Variants in PTCHD4 observed in about 807,000 individuals in gnomAD.
The protein encoded by PTCHD4 is patched domain-containing protein 4.
A neutral mutation model predicts 58.1 loss-of-function variants in PTCHD4; 33 were observed. That is an observed-to-expected ratio of 0.57 (90% CI 0.43 to 0.76). PTCHD4 has a LOEUF of 0.76. Ranked by LOEUF, PTCHD4 falls within the 30% of genes least tolerant of loss-of-function variation. The probability of loss-of-function intolerance (pLI) is 0.00; values close to 1 mark genes in which losing one functional copy is unlikely to be tolerated. For synonymous variants in PTCHD4, 478 were observed against 409.6 expected (o/e 1.17, Z -2.02); for missense variants, 1,058 against 1,027.1 (o/e 1.03, Z -0.41).
chr6:47,891,811 G>A (rs1194217341), intron 4 of PTCHD4, among the ~76,000 whole-genome samples: 1 of 152,080 alleles, frequency 6.6e-6, no homozygotes, highest in Non-Finnish European at 1.5e-5. Context: ...AATGATAGTA[G>A]TATTCTTGGT....
At chr6:47,983,558 G>C (rs1767960196) in intron 4 of PTCHD4, among the ~76,000 whole-genome samples, 1 of 152,098 alleles carries the variant, frequency 6.6e-6, no homozygotes, top group Non-Finnish European at 1.5e-5. Context: ...AGATTTCCAA[G>C]TTTAGTTTTT....
At chr6:47,984,605 C>T (rs897972607) in intron 4 of PTCHD4, among the ~76,000 whole-genome samples, 1 of 152,032 alleles carries the variant, frequency 6.6e-6, no homozygotes, top group African/African-American at 2.4e-5. Context: ...AAAAATGATT[C>T]TTTTAAATAA....
intron 4 of PTCHD4, among the ~76,000 whole-genome samples, chr6:48,003,118 G>A (rs915889894): frequency 3.3e-5 from 5 of 152,018 alleles, no homozygotes; most frequent in South Asian, 4.2e-4. Context: ...GAAATGCTCC[G>A]GGGCTCAAAT....
At chr6:47,946,587 T>G (rs2113936044) in intron 4 of PTCHD4, among the ~76,000 whole-genome samples, 1 of 152,312 alleles carries the variant, frequency 6.6e-6, no homozygotes, top group East Asian at 1.9e-4. Flanking sequence ...ATGTTTAGGA[T>G]GTATATCTTA....
In PTCHD4 at chr6:47,876,791, G is replaced by A. The variant is rs1368419348; in HGVS notation, c.*1512C>T. 6.6e-6 allele frequency among the ~76,000 whole-genome samples: 1 copy of A among 152,012 alleles called. No individual in the cohort carries two copies. The highest frequency in any genetic ancestry group is 1.5e-5 in the Non-Finnish European group (1 of 67,948). On this transcript the variant is annotated 3_prime_UTR_variant, in exon 5 of 5. Transcript: ENST00000339488. ...GTAATTTCCTGTGACAGGAGGCACAGCAATAGTCCAAGTAAGCACCCAACA... is the reference window on the plus strand; with the variant it reads ...GTAATTTCCTGTGACAGGAGGCACAACAATAGTCCAAGTAAGCACCCAACA...
chr6:47,923,373 C>T lies in PTCHD4; in HGVS notation c.899-43437G>A, dbSNP rs533486043. Among the ~76,000 whole-genome samples, 45 of 152,232 alleles carry T rather than the reference C, an allele frequency of 3.0e-4. No homozygotes were observed. The Middle Eastern group carries it at 0.017, about 58-fold the overall frequency. ...TCTTATAGTCTTACTACTCTTTCCA[C>T]CAACACAATCAAAGATCTATTGGCC... is the stretch of plus-strand genomic sequence containing the variant. On this transcript the variant is annotated intron_variant, in intron 4 of 4. Coordinates refer to ENST00000339488, the MANE Select transcript of PTCHD4 (RefSeq NM_001384253.1).
chr6:48,093,228 CAG>C (rs1235837625), intron 1 of PTCHD4, among the ~76,000 whole-genome samples: 1 of 152,148 alleles, frequency 6.6e-6, no homozygotes, highest in East Asian at 1.9e-4. Flanking sequence ...AAAGGAACTT[CAG>C]AGATCATCTA....
chr6:47,927,224 A>G (rs1382889656), intron 4 of PTCHD4, among the ~76,000 whole-genome samples: 5 of 151,070 alleles, frequency 3.3e-5, no homozygotes, highest in Non-Finnish European at 7.4e-5. Flanking sequence ...GCTCTATTAA[A>G]AAGAGAGATC....
intron 4 of PTCHD4, among the ~76,000 whole-genome samples, chr6:47,997,213 C>T (rs997064084): frequency 6.6e-6 from 1 of 152,046 alleles, no homozygotes; most frequent in East Asian, 1.9e-4. Context: ...GGTTTTCATT[C>T]GATGAAGTGA....
At chr6:47,950,990 G>A (rs553995730) in intron 4 of PTCHD4, among the ~76,000 whole-genome samples, 15 of 152,272 alleles carry the variant, frequency 9.9e-5, no homozygotes, top group African/African-American at 3.6e-4. Context: ...AATGTTGGTG[G>A]AGTGAGATGA....
At chr6:47,964,213 A>G (rs974285599) in intron 4 of PTCHD4, among the ~76,000 whole-genome samples, 2 of 152,228 alleles carry the variant, frequency 1.3e-5, no homozygotes, top group Admixed American at 1.3e-4. Context: ...CAAGATGAAT[A>G]ATTTCTTGAG....
At chr6:48,057,462 A>G (rs963668940) in intron 3 of PTCHD4, among the ~76,000 whole-genome samples, 2 of 152,156 alleles carry the variant, frequency 1.3e-5, no homozygotes, top group African/African-American at 2.4e-5. Flanking sequence ...AGACACATAC[A>G]CTTACACTTT....
At chr6:47,926,628 G>A (rs1202300711) in intron 4 of PTCHD4, among the ~76,000 whole-genome samples, 6 of 152,092 alleles carry the variant, frequency 3.9e-5, no homozygotes, top group Admixed American at 3.9e-4. Context: ...CTAATATTTT[G>A]ATTCTATTAT....
intron 4 of PTCHD4, among the ~76,000 whole-genome samples, chr6:47,959,845 T>A (rs1258625687): frequency 6.7e-6 from 1 of 149,228 alleles, no homozygotes; most frequent in African/African-American, 2.5e-5. Flanking sequence ...GGACAAGAAA[T>A]GTTAAAAGGA....
intron 4 of PTCHD4, among the ~76,000 whole-genome samples, chr6:48,004,116 A>G (rs536788778): frequency 6.6e-6 from 1 of 152,296 alleles, no homozygotes; most frequent in Admixed American, 6.5e-5. Context: ...CAACTTGATC[A>G]TTTCTGTTCA....
chr6:48,087,769 T>G (rs1765290176), intron 1 of PTCHD4, among the ~76,000 whole-genome samples: 1 of 152,214 alleles, frequency 6.6e-6, no homozygotes, highest in Non-Finnish European at 1.5e-5. Flanking sequence ...TCTAAAAGAA[T>G]TAACCTACTG....
At chr6:48,001,896 C>T (rs974482401) in intron 4 of PTCHD4, among the ~76,000 whole-genome samples, 1 of 152,208 alleles carries the variant, frequency 6.6e-6, no homozygotes, top group Non-Finnish European at 1.5e-5. Flanking sequence ...CTACAATGAA[C>T]TCAAACAAAT....
chr6:47,926,050 A>G (rs1765602561), intron 4 of PTCHD4, among the ~76,000 whole-genome samples: 1 of 152,110 alleles, frequency 6.6e-6, no homozygotes, highest in Admixed American at 6.5e-5. Flanking sequence ...AACTGCATTC[A>G]AAGGTGTTGT....
chr6:47,875,037 G>A lies in PTCHD4; in HGVS notation c.*3266C>T, dbSNP rs1180300266. Among the ~76,000 whole-genome samples the A allele has an allele frequency of 6.6e-6, 1 of 151,752 alleles. No individual in the cohort carries two copies. The highest frequency in any genetic ancestry group is 1.5e-5 in the Non-Finnish European group (1 of 67,842). On this transcript the variant is annotated 3_prime_UTR_variant, in exon 5 of 5. Coordinates refer to ENST00000339488, the MANE Select transcript of PTCHD4 (RefSeq NM_001384253.1). ...TCCAATTCAAATTTAAATTCTGATG[G>A]AAGGAAATAAATCCACATTCCAGTT...
Sources: gnomAD v4.1 joint callset for allele counts (sites outside exome capture counted in the v4.1 genomes callset) on GRCh38, gnomAD v4.1.1 for gene constraint, MANE v1.5 for transcripts, NCBI Gene and HGNC (gene_info 2026-07-23, HGNC 2026-07-21) for gene names.